Variants in TRAT1 observed in about 807,000 individuals in gnomAD.
TRAT1 encodes T-cell receptor-associated transmembrane adapter 1.
TRAT1 carries 20 observed loss-of-function variants against 20.0 expected under a neutral mutation model. That is an observed-to-expected ratio of 1.00 (90% confidence interval 0.70 to 1.45). The LOEUF is 1.45. Among genes scored for constraint, TRAT1 ranks in the 40% most tolerant of loss-of-function variants. TRAT1 has a pLI of 0.00. For synonymous variants in TRAT1, 77 were observed against 74.2 expected (o/e 1.04, Z -0.20); for missense variants, 237 against 224.1 (o/e 1.06, Z -0.37).
intron 3 of TRAT1, among the ~76,000 whole-genome samples, chr3:108,845,150 A>T (rs1270081029): frequency 6.6e-6 from 1 of 152,226 alleles, no homozygotes; most frequent in African/African-American, 2.4e-5. Context: ...ACACATTTAC[A>T]ACAGGCTGGA....
rs1008852672 is a variant in TRAT1 at position 108,839,148 on chromosome 3, A to G, written c.152+181A>G. ...AAGCTATAACATTATTATCTGTCCT[A>G]GTTATTTGCACACTGTGAGTCAACA... is the stretch of plus-strand genomic sequence containing the variant. On this transcript the variant is annotated intron_variant, in intron 3 of 5. Coordinates refer to ENST00000295756, the MANE Select transcript of TRAT1 (RefSeq NM_016388.4). The G allele has an allele frequency of 7.0e-6, 4 of 571,258 alleles. No individual in the cohort carries two copies. The African/African-American group carries it at 7.6e-5, about 11-fold the overall frequency. The allele number at this position is 571,258 out of a possible 1,614,324, so 35.4% of individuals were successfully genotyped here.
Position 108,822,913 on chromosome 3 carries a change from C to A in TRAT1, c.-15C>A. ...GTCTTATGGCTAGATAAAGATTTCT[C>A]TGAAAAAAAGAAGCATGTCAGGTAA... On this transcript the variant is annotated 5_prime_UTR_variant, in exon 1 of 6. In the 5' UTR this introduces an upstream ATG that the reference lacks. Transcript: ENST00000295756. 2 of 1,608,948 alleles carry A rather than the reference C, an allele frequency of 1.2e-6. No homozygotes were observed. The highest frequency in any genetic ancestry group is 1.7e-6 in the Non-Finnish European group (2 of 1,176,662).
chr3:108,853,372 A>G (rs1017598285), intron 5 of TRAT1, among the ~76,000 whole-genome samples: 1 of 152,210 alleles, frequency 6.6e-6, no homozygotes, highest in African/African-American at 2.4e-5. Flanking sequence ...ATGTACTGTT[A>G]GAGTATAATA....
chr3:108,836,107 A>G (rs1404836788), intron 2 of TRAT1, among the ~76,000 whole-genome samples: 2 of 151,834 alleles, frequency 1.3e-5, no homozygotes, highest in Non-Finnish European at 2.9e-5. Flanking sequence ...TTTAGTAGAG[A>G]TGGGGTTTCA....
intron 5 of TRAT1, among the ~76,000 whole-genome samples, chr3:108,850,566 A>T (rs566696511): frequency 1.3e-5 from 2 of 152,212 alleles, no homozygotes; most frequent in Non-Finnish European, 2.9e-5. Context: ...GGCCTCCCAA[A>T]GTGCTGGGAT....
At chr3:108,827,373 A>AGT (rs1553726291) in intron 1 of TRAT1, among the ~76,000 whole-genome samples, 4 of 125,920 alleles carry the variant, frequency 3.2e-5, no homozygotes, top group African/African-American at 1.3e-4. Flanking sequence ...GGAGGTATAA[A>AGT]GTATGTGTGT....
intron 3 of TRAT1, among the ~76,000 whole-genome samples, chr3:108,841,709 C>G (rs954231284): frequency 1.3e-5 from 2 of 152,088 alleles, no homozygotes; most frequent in African/African-American, 4.8e-5. Context: ...TGCAACAGTA[C>G]GTCAGAAACA....
intron 2 of TRAT1, among the ~76,000 whole-genome samples, chr3:108,836,813 T>C (rs951340480): frequency 1.3e-5 from 2 of 152,238 alleles, no homozygotes; most frequent in African/African-American, 4.8e-5. Flanking sequence ...ACAGGGCAAA[T>C]GCATTGCAAA....
At position 108,827,380 on chromosome 3, in the gene TRAT1, GTGTA is replaced by G. The variant is rs1370234745; in HGVS notation, c.8-3286_8-3283del. On this transcript the variant is annotated intron_variant, in intron 1 of 5. Transcript: ENST00000295756. ...GGGTAAGGGGAGGTATAAAGTATGT[GTGTA>G]TGTGTGTGTGTGTGTGTGTGTGTGT... Among the ~76,000 whole-genome samples, 697 of 101,316 alleles carry G rather than the reference GTGTA, an allele frequency of 6.9e-3. 6 individuals are homozygous for G. The highest frequency in any genetic ancestry group is 0.023 in the African/African-American group (642 of 27,946). 66.5% of individuals were successfully genotyped at this position (101,316 alleles called of 152,430 possible).
At position 108,840,110 on chromosome 3, in the gene TRAT1, T is replaced by A. The variant is rs9842631; in HGVS notation, c.152+1143T>A. 9.0e-3 allele frequency among the ~76,000 whole-genome samples: 1,366 copies of A among 152,146 alleles called. 18 individuals carry two copies. Among genetic ancestry groups the A allele is most frequent in the African/African-American group, 0.031 (1,305 of 41,482 alleles). On this transcript the variant is annotated intron_variant, in intron 3 of 5. Coordinates refer to ENST00000295756, the MANE Select transcript of TRAT1 (RefSeq NM_016388.4). Reference sequence around the variant, plus strand: ...TTTGGTCTCTTTAAGGTCTTTTTTTTAAAAAAATTCTTTTTCCATGTGAAA... The same window carrying A: ...TTTGGTCTCTTTAAGGTCTTTTTTTAAAAAAAATTCTTTTTCCATGTGAAA...
At chr3:108,837,001 T>C (rs553098019) in intron 2 of TRAT1, among the ~76,000 whole-genome samples, 1 of 152,362 alleles carries the variant, frequency 6.6e-6, no homozygotes, top group East Asian at 1.9e-4. Flanking sequence ...ATATACTTTA[T>C]GTCATGTCTT....
At chr3:108,832,397 A>C (rs1372817913) in intron 2 of TRAT1, among the ~76,000 whole-genome samples, 1 of 152,216 alleles carries the variant, frequency 6.6e-6, no homozygotes, top group Non-Finnish European at 1.5e-5. Flanking sequence ...TTAAAAATCC[A>C]ATATATTTTC....
At chr3:108,841,725 A>G (rs1160271918) in intron 3 of TRAT1, among the ~76,000 whole-genome samples, 2 of 152,158 alleles carry the variant, frequency 1.3e-5, no homozygotes, top group Non-Finnish European at 2.9e-5. Context: ...AAACATGATC[A>G]CTTTAAGGAA....
chr3:108,834,466 G>T (rs1037034694), intron 2 of TRAT1, among the ~76,000 whole-genome samples: 4 of 152,122 alleles, frequency 2.6e-5, no homozygotes, highest in African/African-American at 9.7e-5. Context: ...CTAACCCAGA[G>T]ATTTCAAATA....
chr3:108,843,062 C>G (rs541463618), intron 3 of TRAT1, among the ~76,000 whole-genome samples: 1 of 152,240 alleles, frequency 6.6e-6, no homozygotes, highest in East Asian at 1.9e-4. Context: ...CATCTACACT[C>G]ATACCACAGC....
At chr3:108,850,794 A>T (rs546400421) in intron 5 of TRAT1, among the ~76,000 whole-genome samples, 1 of 152,234 alleles carries the variant, frequency 6.6e-6, no homozygotes, top group African/African-American at 2.4e-5. Flanking sequence ...GTTAAAATAC[A>T]TTATCTGAAG....
At chr3:108,847,220 C>T (rs1478268705) in intron 4 of TRAT1, 91 bp downstream of exon 4, 9 of 725,298 alleles carry the variant, frequency 1.2e-5, no homozygotes, top group Middle Eastern at 3.4e-4. Flanking sequence ...AATCAAATCA[C>T]ACTTAGCTAT....
intron 2 of TRAT1, among the ~76,000 whole-genome samples, chr3:108,836,642 A>G (rs1189554806): frequency 6.6e-6 from 1 of 152,236 alleles, no homozygotes; most frequent in Non-Finnish European, 1.5e-5. Flanking sequence ...ATATGTATTT[A>G]GAATGTATGT....
chr3:108,844,861 A>AAAG (rs1576523640), intron 3 of TRAT1, among the ~76,000 whole-genome samples: 1 of 137,246 alleles, frequency 7.3e-6, no homozygotes, highest in Non-Finnish European at 1.6e-5. Context: ...AAAAAAAAAA[A>AAAG]AAAAAAAAGA....
Sources: gnomAD v4.1 joint callset for allele counts (sites outside exome capture counted in the v4.1 genomes callset) on GRCh38, gnomAD v4.1.1 for gene constraint, MANE v1.5 for transcripts, NCBI Gene and HGNC (gene_info 2026-07-23, HGNC 2026-07-21) for gene names.